The following NUMB variants were observed in gnomAD, a reference collection of about 807,000 sequenced individuals.
The protein encoded by NUMB is protein numb homolog.
In NUMB, 29 loss-of-function variants were observed where a neutral mutation model predicts 59.7. The ratio of observed to expected loss-of-function variants is 0.49; its 90% CI spans 0.36 to 0.66. The LOEUF (loss-of-function observed/expected upper bound fraction) is 0.66, where lower values mean the gene tolerates loss of function less well. NUMB is among the 30% of genes least tolerant of loss of function. NUMB has a pLI of 0.00. For synonymous variants in NUMB, 288 were observed against 288.2 expected (o/e 1.00, Z 0.01); for missense variants, 723 against 822.0 (o/e 0.88, Z 1.47).
At chr14:73,421,226 C>A (rs183561412) in intron 1 of NUMB, among the ~76,000 whole-genome samples, 2 of 152,086 alleles carry the variant, frequency 1.3e-5, no homozygotes, top group East Asian at 3.9e-4. Context: ...GCTCTGTCAC[C>A]CAGGCTGGAG....
At chr14:73,413,566 T>C (rs1896993555) in intron 1 of NUMB, among the ~76,000 whole-genome samples, 1 of 150,910 alleles carries the variant, frequency 6.6e-6, no homozygotes, top group Non-Finnish European at 1.5e-5. Flanking sequence ...GAGACCAGCC[T>C]GGCCAACATG....
intron 3 of NUMB, among the ~76,000 whole-genome samples, chr14:73,360,701 T>A (rs992295116): frequency 3.3e-5 from 5 of 152,160 alleles, no homozygotes; most frequent in Admixed American, 2.6e-4. Flanking sequence ...TCTGAAATAC[T>A]CTTCTCCCAG....
chr14:73,330,824 G>A (rs1290815000), intron 4 of NUMB, among the ~76,000 whole-genome samples: 2 of 152,188 alleles, frequency 1.3e-5, no homozygotes, highest in African/African-American at 4.8e-5. Context: ...TTTACTACAG[G>A]AATTGGCCAT....
At chr14:73,387,956 CAAAAAAAAAA>C (rs66701940) in intron 2 of NUMB, among the ~76,000 whole-genome samples, 1 of 94,416 alleles carries the variant, frequency 1.1e-5, no homozygotes, top group African/African-American at 3.8e-5. Flanking sequence ...CTGTCTCTAC[CAAAAAAAAAA>C]AAAAAAAAAA....
At chr14:73,418,957 A>G (rs74061113) in intron 1 of NUMB, among the ~76,000 whole-genome samples, 8,824 of 152,136 alleles carry the variant, frequency 0.058, 701 homozygotes, top group African/African-American at 0.19. Flanking sequence ...GAATAGGACC[A>G]AAGAGTCACC....
At chr14:73,281,115 T>C (rs1214773906) in intron 11 of NUMB, among the ~76,000 whole-genome samples, 1 of 152,178 alleles carries the variant, frequency 6.6e-6, no homozygotes, top group African/African-American at 2.4e-5. Flanking sequence ...AACTGAAATA[T>C]TCAATTTTGC....
At chr14:73,430,299 C>A (rs1897768952) in intron 1 of NUMB, among the ~76,000 whole-genome samples, 1 of 151,898 alleles carries the variant, frequency 6.6e-6, no homozygotes, top group South Asian at 2.1e-4. Flanking sequence ...TGACAACCTG[C>A]CAAATTGTTT....
chr14:73,303,421 A>C (rs1890256884), intron 6 of NUMB, among the ~76,000 whole-genome samples: 2 of 152,050 alleles, frequency 1.3e-5, no homozygotes, highest in African/African-American at 4.8e-5. Context: ...CTCTACTAAA[A>C]ACACAAAAAT....
At chr14:73,412,720 C>A (rs1306857258) in intron 1 of NUMB, among the ~76,000 whole-genome samples, 1 of 152,074 alleles carries the variant, frequency 6.6e-6, no homozygotes, top group African/African-American at 2.4e-5. Context: ...CTGAACCTCC[C>A]AAGCTCAAGT....
chr14:73,328,109 T>C (rs958704592), intron 4 of NUMB, among the ~76,000 whole-genome samples: 5 of 152,198 alleles, frequency 3.3e-5, no homozygotes, highest in Admixed American at 6.5e-5. Context: ...ACCCCATCTC[T>C]ACTAAAAATA....
intron 1 of NUMB, among the ~76,000 whole-genome samples, chr14:73,440,827 C>CAAAAAA (rs397713746): frequency 6.3e-5 from 3 of 47,810 alleles, no homozygotes; most frequent in Non-Finnish European, 1.3e-4. Context: ...GACTCCGTCT[C>CAAAAAA]AAAAAAAAAA....
intron 6 of NUMB, among the ~76,000 whole-genome samples, chr14:73,307,495 C>T (rs1890513091): frequency 2.0e-5 from 3 of 151,892 alleles, no homozygotes; most frequent in Admixed American, 2.0e-4. Context: ...GAGGTTACAG[C>T]AAGTACAAAG....
chr14:73,341,076 T>A (rs922886911), intron 4 of NUMB, among the ~76,000 whole-genome samples: 5 of 152,232 alleles, frequency 3.3e-5, no homozygotes, highest in African/African-American at 1.2e-4. Flanking sequence ...TCCCCAGCCA[T>A]GTGGAACTGT....
At chr14:73,279,856 A>G (rs1001794407) in intron 11 of NUMB, among the ~76,000 whole-genome samples, 1 of 152,220 alleles carries the variant, frequency 6.6e-6, no homozygotes, top group Non-Finnish European at 1.5e-5. Context: ...TATGTTAACA[A>G]TAATACTGGT....
chr14:73,352,505 TATATATATATATATATA>T (rs1893417493), intron 4 of NUMB, among the ~76,000 whole-genome samples: 2 of 15,168 alleles, frequency 1.3e-4, no homozygotes, highest in Non-Finnish European at 2.0e-4. Flanking sequence ...TATATATATA[TATATATATATATATATA>T]TATATATGTT....
intron 6 of NUMB, among the ~76,000 whole-genome samples, chr14:73,306,049 G>A (rs183180814): frequency 6.6e-6 from 1 of 152,166 alleles, no homozygotes; most frequent in African/African-American, 2.4e-5. Flanking sequence ...CCAAAATCCA[G>A]TGAATATACC....
chr14:73,399,494 C>G lies in NUMB; in HGVS notation c.-101+10443G>C, dbSNP rs962044568. On this transcript the variant is annotated intron_variant, in intron 2 of 12. Coordinates refer to ENST00000555238, the MANE Select transcript of NUMB (RefSeq NM_001005743.2). ...AGGAGAATTGCTTGAACCCAGGACA[C>G]AGAGGCTGCAGTGAGCCGAGATTGT... Among the ~76,000 whole-genome samples the G allele has an allele frequency of 2.0e-5, 3 of 152,160 alleles. No individual in the cohort carries two copies. The South Asian group carries it at 6.2e-4, about 32-fold the overall frequency.
chr14:73,342,177 G>A (rs1311420447), intron 4 of NUMB, among the ~76,000 whole-genome samples: 2 of 152,216 alleles, frequency 1.3e-5, no homozygotes, highest in African/African-American at 2.4e-5. Context: ...GATTACAGGC[G>A]TAAGCCACTG....
At chr14:73,421,723 C>T (rs559796009) in intron 1 of NUMB, among the ~76,000 whole-genome samples, 2 of 152,186 alleles carry the variant, frequency 1.3e-5, no homozygotes, top group African/African-American at 4.8e-5. Flanking sequence ...CTGAACAAAA[C>T]AAAGTACAAT....
Sources: allele counts gnomAD v4.1 joint callset (sites outside exome capture counted in the v4.1 genomes callset), GRCh38; gene constraint gnomAD v4.1.1; transcripts MANE v1.5; gene names NCBI Gene and HGNC (gene_info 2026-07-23, HGNC 2026-07-21).